Variants in SPACA7 observed in about 807,000 individuals in gnomAD.
SPACA7 encodes the protein sperm acrosome associated 7.
In SPACA7, 19 loss-of-function variants were observed where a neutral mutation model predicts 26.3. The ratio of observed to expected loss-of-function variants is 0.72; its 90% CI spans 0.50 to 1.06. SPACA7 has a LOEUF of 1.06. Among genes scored for constraint, SPACA7 ranks in the 50% least tolerant of loss-of-function variants. The pLI, the probability that SPACA7 is intolerant of heterozygous loss-of-function variation, is 0.00. For missense variants in SPACA7, 211 were observed against 229.9 expected, an observed-to-expected ratio of 0.92 and a Z score of 0.53; for synonymous variants, 84 against 84.5, an observed-to-expected ratio of 0.99 and a Z score of 0.04.
chr13:112,399,538 G>C lies in SPACA7; in HGVS notation c.349+365G>C, dbSNP rs137889906. Among the ~76,000 whole-genome samples the C allele has an allele frequency of 3.6e-3, 551 of 152,368 alleles. 1 individual carries two copies. Among genetic ancestry groups the C allele is most frequent in the South Asian group, 8.7e-3 (42 of 4,830 alleles). On this transcript the variant is annotated intron_variant, in intron 4 of 6. Coordinates refer to ENST00000283550, the MANE Select transcript of SPACA7 (RefSeq NM_145248.5). ...CACAGGGCAGGTGCAGAGAGAGCCA[G>C]AGTGCCCCCAGGGGGGTCCCCCAGA...
At chr13:112,390,433 T>C (rs1409334749) in intron 1 of SPACA7, among the ~76,000 whole-genome samples, 1 of 147,948 alleles carries the variant, frequency 6.8e-6, no homozygotes, top group Non-Finnish European at 1.5e-5. Flanking sequence ...TTCATGGGCA[T>C]GTGTTCAAAA....
chr13:112,386,115 C>A (rs2183445), intron 1 of SPACA7, among the ~76,000 whole-genome samples: 3 of 152,092 alleles, frequency 2.0e-5, no homozygotes, highest in African/African-American at 7.2e-5. Flanking sequence ...GCTTCTACTG[C>A]GCATTTTATT....
intron 5 of SPACA7, among the ~76,000 whole-genome samples, chr13:112,422,656 C>T (rs78111953): frequency 0.012 from 1,770 of 152,230 alleles, 21 homozygotes; most frequent in Non-Finnish European, 0.017. Flanking sequence ...GGAAATCCTC[C>T]AAATATTTGC....
At chr13:112,383,096 A>G (rs57285141) in intron 1 of SPACA7, among the ~76,000 whole-genome samples, 128 of 45,276 alleles carry the variant, frequency 2.8e-3, no homozygotes, top group African/African-American at 8.5e-3. Context: ...GAAAGAAAGA[A>G]AGAAGAAAGA....
At chr13:112,386,040 G>A (rs1293871389) in intron 1 of SPACA7, among the ~76,000 whole-genome samples, 2 of 152,184 alleles carry the variant, frequency 1.3e-5, no homozygotes, top group African/African-American at 4.8e-5. Context: ...AATTAAGGGT[G>A]CCATTTTATA....
At chr13:112,394,008 T>C (rs1362422540) in intron 2 of SPACA7, among the ~76,000 whole-genome samples, 1 of 149,694 alleles carries the variant, frequency 6.7e-6, no homozygotes, top group Admixed American at 6.6e-5. Flanking sequence ...AAGACACAGA[T>C]GAAACTCATT....
intron 5 of SPACA7, among the ~76,000 whole-genome samples, chr13:112,402,427 CATTG>C (rs1885706998): frequency 6.6e-5 from 10 of 152,284 alleles, no homozygotes; most frequent in Admixed American, 2.6e-4. Flanking sequence ...TTAGCTTTAT[CATTG>C]ATTATCTAGG....
At chr13:112,415,167 A>G (rs2139020847) in intron 5 of SPACA7, among the ~76,000 whole-genome samples, 1 of 152,334 alleles carries the variant, frequency 6.6e-6, no homozygotes, top group East Asian at 1.9e-4. Context: ...CTGTTTCCCC[A>G]TAGCAGACGG....
intron 5 of SPACA7, among the ~76,000 whole-genome samples, chr13:112,403,204 G>A (rs563147877): frequency 6.6e-6 from 1 of 152,092 alleles, no homozygotes; most frequent in South Asian, 2.1e-4. Context: ...GGTCAATTTA[G>A]CCATCTATAT....
At chr13:112,377,116 G>C (rs926941239) in intron 1 of SPACA7, among the ~76,000 whole-genome samples, 3 of 152,184 alleles carry the variant, frequency 2.0e-5, no homozygotes, top group Non-Finnish European at 4.4e-5. Context: ...CAAGGATCAG[G>C]GTGGGTCAGT....
At chr13:112,415,229 A>G (rs1268430612) in intron 5 of SPACA7, among the ~76,000 whole-genome samples, 2 of 152,132 alleles carry the variant, frequency 1.3e-5, no homozygotes, top group African/African-American at 4.8e-5. Context: ...TGATACCGGC[A>G]CTCTCATGGC....
intron 1 of SPACA7, among the ~76,000 whole-genome samples, chr13:112,378,349 C>T (rs1021125838): frequency 6.6e-6 from 1 of 152,158 alleles, no homozygotes; most frequent in Non-Finnish European, 1.5e-5. Context: ...TTCATTAAAA[C>T]ATAAAATATG....
At chr13:112,417,793 T>G (rs1489318838) in intron 5 of SPACA7, among the ~76,000 whole-genome samples, 2 of 152,330 alleles carry the variant, frequency 1.3e-5, no homozygotes, top group East Asian at 3.9e-4. Context: ...TTCTCACTGT[T>G]TTATCTCAAC....
intron 1 of SPACA7, among the ~76,000 whole-genome samples, chr13:112,378,115 G>A (rs1258444219): frequency 6.6e-6 from 1 of 152,074 alleles, no homozygotes; most frequent in Non-Finnish European, 1.5e-5. Context: ...ATGGTCCCAC[G>A]GAAGGCCTGA....
At chr13:112,399,929 G>T (rs1283648943) in intron 4 of SPACA7, among the ~76,000 whole-genome samples, 1 of 152,094 alleles carries the variant, frequency 6.6e-6, no homozygotes, top group Admixed American at 6.6e-5. Context: ...GAAGGGGGAG[G>T]TGCCACACAC....
At chr13:112,417,446 T>TTTGA (rs1886763365) in intron 5 of SPACA7, among the ~76,000 whole-genome samples, 1 of 152,166 alleles carries the variant, frequency 6.6e-6, no homozygotes, top group Admixed American at 6.6e-5. Flanking sequence ...TAGTGAATAT[T>TTTGA]TTGATTGCTT....
At chr13:112,410,367 A>T (rs1039624653) in intron 5 of SPACA7, among the ~76,000 whole-genome samples, 52 of 148,348 alleles carry the variant, frequency 3.5e-4, no homozygotes, top group African/African-American at 1.3e-3. Flanking sequence ...AAGTACAATT[A>T]AAAAAATATA....
At chr13:112,382,769 C>T (rs1260752542) in intron 1 of SPACA7, among the ~76,000 whole-genome samples, 1 of 151,980 alleles carries the variant, frequency 6.6e-6, no homozygotes, top group Non-Finnish European at 1.5e-5. Context: ...AGGTGGATCA[C>T]CTGAGGTCAG....
intron 1 of SPACA7, among the ~76,000 whole-genome samples, chr13:112,389,739 A>T (rs1884754181): frequency 6.6e-6 from 1 of 152,246 alleles, no homozygotes. Flanking sequence ...CTTAAATTTC[A>T]GCCATGAGTC....
Sources: allele counts gnomAD v4.1 joint callset (sites outside exome capture counted in the v4.1 genomes callset), GRCh38; gene constraint gnomAD v4.1.1; transcripts MANE v1.5; gene names NCBI Gene and HGNC (gene_info 2026-07-23, HGNC 2026-07-21).